DNAH6: variants seen among roughly 807,000 people sequenced by gnomAD.
DNAH6 encodes axonemal beta dynein heavy chain 6.
In DNAH6, 340 loss-of-function variants were observed where a neutral mutation model predicts 491.4. That is an observed-to-expected ratio of 0.69 (90% CI 0.63 to 0.76). The LOEUF is 0.76. Among genes scored for constraint, DNAH6 ranks in the 30% least tolerant of loss-of-function variants. DNAH6 has a pLI of 0.00. For synonymous variants in DNAH6, 1,603 were observed against 1,686.1 expected (o/e 0.95, Z 1.21); for missense variants, 4,443 against 4,972.2 (o/e 0.89, Z 3.20).
the DNAH6 span, among the ~76,000 whole-genome samples, chr2:84,481,714 G>A: frequency 1.3e-5 from 2 of 152,284 alleles, no homozygotes; most frequent in East Asian, 3.9e-4. Context: ...GCCTCTTGAT[G>A]CTTATGACAA....
intron 76 of DNAH6, among the ~76,000 whole-genome samples, chr2:84,817,559 A>G (rs1680610414): frequency 1.3e-5 from 2 of 152,118 alleles, no homozygotes; most frequent in Admixed American, 6.5e-5. Flanking sequence ...CTTGAGCCCA[A>G]GAGTTCAACA....
At chr2:84,598,159 C>CTTTCTTTCTCTCTTTCT (rs1684842177) in intron 18 of DNAH6, among the ~76,000 whole-genome samples, 4 of 71,204 alleles carry the variant, frequency 5.6e-5, no homozygotes, top group African/African-American at 1.3e-4. Context: ...TTCTTTCTTT[C>CTTTCTTTCTCTCTTTCT]TTTCTTTCTT....
chr2:84,646,570 C>T (rs1345949731), intron 33 of DNAH6, among the ~76,000 whole-genome samples: 2 of 152,186 alleles, frequency 1.3e-5, no homozygotes, highest in African/African-American at 4.8e-5. Context: ...CCAGTGAATA[C>T]ATGAATGGTA....
At chr2:84,611,324 A>G (rs557292237) in intron 21 of DNAH6, among the ~76,000 whole-genome samples, 6 of 152,216 alleles carry the variant, frequency 3.9e-5, no homozygotes, top group African/African-American at 1.2e-4. Flanking sequence ...AATCTTGTGT[A>G]TGTTTGAAAA....
chr2:84,790,512 A>T (rs975921329), intron 68 of DNAH6, among the ~76,000 whole-genome samples: 1 of 152,254 alleles, frequency 6.6e-6, no homozygotes, highest in Non-Finnish European at 1.5e-5. Context: ...TATCCAAAGT[A>T]TATAAAGACC....
chr2:84,591,219 A>G (rs185660173), intron 16 of DNAH6, among the ~76,000 whole-genome samples: 277 of 152,360 alleles, frequency 1.8e-3, no homozygotes, highest in African/African-American at 6.4e-3. Context: ...CTCCAGGGGG[A>G]AAAATTTAAA....
intron 20 of DNAH6, 125 bp from the exon 21 acceptor site, chr2:84,606,851 A>G (rs763585078): frequency 1.2e-5 from 11 of 950,562 alleles, no homozygotes; most frequent in Non-Finnish European, 1.7e-5. Flanking sequence ...GGAAACAGTA[A>G]GAGGGGCTAA....
intron 18 of DNAH6, among the ~76,000 whole-genome samples, chr2:84,599,311 A>G (rs999269206): frequency 6.6e-6 from 1 of 151,898 alleles, no homozygotes; most frequent in Non-Finnish European, 1.5e-5. Context: ...ATTTTCACAG[A>G]GCAAAAAGTT....
At chr2:84,569,013 A>G (rs745324111) in intron 11 of DNAH6, among the ~76,000 whole-genome samples, 7 of 152,234 alleles carry the variant, frequency 4.6e-5, no homozygotes, top group Non-Finnish European at 7.3e-5. Context: ...TGATCCAACA[A>G]TACAACCTTT....
chr2:84,701,922 G>C (rs1695940973), intron 49 of DNAH6, among the ~76,000 whole-genome samples: 1 of 152,122 alleles, frequency 6.6e-6, no homozygotes, highest in African/African-American at 2.4e-5. Flanking sequence ...GTTTCCTGCT[G>C]TTGGTCTGAG....
intron 64 of DNAH6, among the ~76,000 whole-genome samples, chr2:84,774,258 G>A (rs951813896): frequency 1.4e-4 from 21 of 151,972 alleles, no homozygotes; most frequent in African/African-American, 4.8e-4. Context: ...AAACATAAGA[G>A]TCCAGTTTCA....
At chr2:84,507,508 G>A in the DNAH6 span, among the ~76,000 whole-genome samples, 3 of 152,166 alleles carry the variant, frequency 2.0e-5, no homozygotes, top group Non-Finnish European at 4.4e-5. Flanking sequence ...CATGTCATCT[G>A]CAAACAGGGA....
At chr2:84,656,462 G>A (rs554541215) in intron 35 of DNAH6, among the ~76,000 whole-genome samples, 1 of 152,228 alleles carries the variant, frequency 6.6e-6, no homozygotes, top group South Asian at 2.1e-4. Flanking sequence ...GGCATTGTCA[G>A]TGTTTTGGAT....
intron 11 of DNAH6, among the ~76,000 whole-genome samples, chr2:84,560,065 A>G (rs1033800029): frequency 1.3e-5 from 2 of 152,306 alleles, no homozygotes; most frequent in African/African-American, 2.4e-5. Flanking sequence ...AAGAAATAAC[A>G]TACATATAAT....
At chr2:84,579,379 A>G in intron 13 of DNAH6, 148 bp from the exon 14 acceptor site, 2 of 811,348 alleles carry the variant, frequency 2.5e-6, no homozygotes, top group Non-Finnish European at 3.8e-6. Flanking sequence ...TTTAACTAGC[A>G]GTGATTTAAA....
At chr2:84,485,086 G>A in the DNAH6 span, among the ~76,000 whole-genome samples, 1 of 152,324 alleles carries the variant, frequency 6.6e-6, no homozygotes, top group Admixed American at 6.5e-5. Flanking sequence ...AAGTATGACA[G>A]AATAGAGTTT....
chr2:84,547,948 G>A (rs1018425540), intron 7 of DNAH6, among the ~76,000 whole-genome samples: 2 of 152,114 alleles, frequency 1.3e-5, no homozygotes, highest in African/African-American at 4.8e-5. Flanking sequence ...TAAGGAACTG[G>A]ATTGACCTTA....
Position 84,771,015 on chromosome 2 carries a change from G to A in DNAH6, c.10703+8070G>A, listed in dbSNP as rs181195836. 2.6e-3 allele frequency among the ~76,000 whole-genome samples: 389 copies of A among 151,964 alleles called. 1 individual carries two copies. Among genetic ancestry groups the A allele is most frequent in the African/African-American group, 5.7e-3 (235 of 41,464 alleles). Reference sequence around the variant, plus strand: ...AAAAAAAAAAAAATGGGGGCCCAGCGTGGTGGCTCACACCTGTAATCCCAG... The same window carrying A: ...AAAAAAAAAAAAATGGGGGCCCAGCATGGTGGCTCACACCTGTAATCCCAG... On this transcript the variant is annotated intron_variant, in intron 64 of 76. Coordinates refer to ENST00000389394, the MANE Select transcript of DNAH6 (RefSeq NM_001370.2).
chr2:84,568,869 G>A (rs543707817), intron 11 of DNAH6, among the ~76,000 whole-genome samples: 1 of 152,186 alleles, frequency 6.6e-6, no homozygotes, highest in South Asian at 2.1e-4. Flanking sequence ...TATCAGATTA[G>A]CAAAATTAAA....
Sources: allele counts gnomAD v4.1 joint callset (sites outside exome capture counted in the v4.1 genomes callset), GRCh38; gene constraint gnomAD v4.1.1; transcripts MANE v1.5; gene names NCBI Gene and HGNC (gene_info 2026-07-23, HGNC 2026-07-21).